The following CEP290 variants were observed in gnomAD, a reference collection of about 807,000 sequenced individuals.
CEP290 encodes the protein centrosomal protein 290, also known as centrosomal protein of 290 kDa.
A neutral mutation model predicts 344.9 loss-of-function variants in CEP290; 317 were observed. The observed-to-expected ratio is 0.92, with a 90% confidence interval of 0.84 to 1.01. The LOEUF (loss-of-function observed/expected upper bound fraction) is 1.01. Ranked by LOEUF, CEP290 falls within the 50% of genes least tolerant of loss-of-function variation. CEP290 has a pLI of 0.00. For missense variants in CEP290, 2,754 were observed against 2,761.4 expected (o/e 1.00, Z 0.06); for synonymous variants, 932 against 895.8 (o/e 1.04, Z -0.72).
intron 37 of CEP290, among the ~76,000 whole-genome samples, chr12:88,082,815 A>G (rs2036290469): frequency 6.6e-6 from 1 of 152,204 alleles, no homozygotes; most frequent in Admixed American, 6.5e-5. Flanking sequence ...TGGCTTTCCC[A>G]TCTACCCCCA....
chr12:88,116,997 T>C (rs745930062), intron 18 of CEP290, 36 bp downstream of exon 18: 1 of 1,016,090 alleles, frequency 9.8e-7, no homozygotes, highest in African/African-American at 1.7e-5. Context: ...AAAAAAAATA[T>C]TTTCCTTTAC....
At chr12:88,051,779 T>C (rs1246666404) in intron 52 of CEP290, 1 of 152,182 alleles carries the variant, frequency 6.6e-6, no homozygotes, top group Non-Finnish European at 1.5e-5. Context: ...AGTATATGGA[T>C]GGAAGGAAAA....
Position 88,111,287 on chromosome 12 carries a change from T to C in CEP290, c.2282A>G (p.Lys761Arg). The change falls in exon 22 of 54, where the codon AAA (lysine) becomes AGA (arginine). Residue 761 changes from lysine to arginine, a missense_variant. Lys to Arg is a conservative substitution (Grantham distance 26). Coordinates refer to ENST00000552810, the MANE Select transcript of CEP290 (RefSeq NM_025114.4). ...TATCCCATCAGGTAAGTCAATTCCT[T>C]TAAAAACAACATTTGATCCTTCTGA... is the stretch of plus-strand genomic sequence containing the variant. ...RQSEGSNVVF[K>R]GIDLPDGIAP... 6.4e-7 allele frequency: 1 copy of C among 1,558,912 alleles called. No individual in the cohort carries two copies. The highest frequency in any genetic ancestry group is 1.4e-5 in the African/African-American group (1 of 73,534).
Position 88,111,272 on chromosome 12 carries a change from G to T in CEP290, c.2297C>A (p.Pro766His). 1.9e-6 allele frequency: 3 copies of T among 1,548,620 alleles called. No individual in the cohort carries two copies. Among genetic ancestry groups the T allele is most frequent in the Non-Finnish European group, 2.6e-6 (3 of 1,144,990 alleles). Residue 766 changes from proline (P) to histidine (H), a missense_variant, in exon 22 of 54, where the codon CCT (proline) becomes CAT (histidine). Coordinates refer to ENST00000552810, the MANE Select transcript of CEP290 (RefSeq NM_025114.4). The stretch of plus-strand genomic sequence containing the variant: ...GGCACTAGATGGTGCTATCCCATCA[G>T]GTAAGTCAATTCCTTTAAAAACAAC... ...SNVVFKGIDL[P>H]DGIAPSSASI... is the part of the protein sequence containing the mutation.
At chr12:88,083,333 A>C in intron 36 of CEP290, 103 bp from the exon 37 acceptor site, 1 of 614,862 alleles carries the variant, frequency 1.6e-6, no homozygotes, top group Non-Finnish European at 2.6e-6. Flanking sequence ...ATAATATCTA[A>C]TCTAAAATGT....
chr12:88,102,597 A>G (rs929684716), intron 26 of CEP290, among the ~76,000 whole-genome samples: 9 of 152,088 alleles, frequency 5.9e-5, no homozygotes, highest in Non-Finnish European at 1.0e-4. Context: ...AATGATCTAG[A>G]TAATCATTCA....
Position 88,121,134 on chromosome 12 carries a change from T to C in CEP290, c.1222A>G (p.Lys408Glu), listed in dbSNP as rs747554978. The change falls in exon 14 of 54, where the codon AAA (lysine) becomes GAA (glutamate). Residue 408 changes from lysine to glutamate, a missense_variant. By Grantham distance (56) the Lys-to-Glu change is moderately conservative. Coordinates refer to ENST00000552810, the MANE Select transcript of CEP290 (RefSeq NM_025114.4). ...ASTLSQQTHM[K>E]IQSTLDILKE... ...AAAATGTCTAACGTTGACTGAATTT[T>C]CATATGAGTCTGTTGAGAAAGGGTT... 6.2e-7 allele frequency: 1 copy of C among 1,613,392 alleles called. No individual in the cohort carries two copies. Among genetic ancestry groups the C allele is most frequent in the Non-Finnish European group, 8.5e-7 (1 of 1,179,646 alleles).
Position 88,063,982 on chromosome 12 carries a change from T to G in CEP290, c.6269A>C (p.Lys2090Thr), listed in dbSNP as rs770358437. The change falls in exon 45 of 54, where the codon AAG becomes ACG. Residue 2090 changes from lysine (K) to threonine (T), a missense_variant and splice_region_variant. Lys to Thr is a moderately conservative substitution (Grantham distance 78). Coordinates refer to ENST00000552810, the MANE Select transcript of CEP290 (RefSeq NM_025114.4). ...EQANKDLPRL[K>T]NQVRDLKEMC... ...CCTAATAAAAAACATTAAATTCACC[T>G]TTAATCTTGGCAAATCTTTATTTGC... The G allele has an allele frequency of 1.3e-6, 2 of 1,595,152 alleles. No homozygotes were observed. The highest frequency in any genetic ancestry group is 1.7e-6 in the Non-Finnish European group (2 of 1,171,646).
chr12:88,093,893 CA>C lies in CEP290; in HGVS notation c.3185del (p.Leu1062ArgfsTer3), dbSNP rs863225189. ...GCCTTTCATTTAATTCCTTCATTTC[CA>C]GCATAGTTATTTTTTTTGAAATGGA... Reference protein sequence around the residue: ...IVSISKKITMLEMKELNERQR... With the variant: ...IVSISKKITMXEMKELNERQR... On this transcript the variant is annotated frameshift_variant, in exon 28 of 54. Coordinates refer to ENST00000552810, the MANE Select transcript of CEP290 (RefSeq NM_025114.4). LOFTEE classifies it high-confidence loss of function. 3.1e-6 allele frequency: 5 copies of C among 1,612,496 alleles called. No homozygotes were observed. The highest frequency in any genetic ancestry group is 1.7e-5 in the Admixed American group (1 of 59,916).
chr12:88,085,418 T>C (rs1014810311), intron 34 of CEP290, among the ~76,000 whole-genome samples: 3 of 152,098 alleles, frequency 2.0e-5, no homozygotes, highest in Non-Finnish European at 4.4e-5. Flanking sequence ...AATCTTAAAA[T>C]TACTGAAGAA....
chr12:88,105,259 ACT>A (rs2038192525), intron 25 of CEP290, among the ~76,000 whole-genome samples: 2 of 152,244 alleles, frequency 1.3e-5, no homozygotes, highest in South Asian at 4.2e-4. Flanking sequence ...ACTTTAAAGG[ACT>A]CTCTTTGGCT....
At position 88,084,668 on chromosome 12, in the gene CEP290, GT is replaced by G. The variant is rs587779733; in HGVS notation, c.4621del (p.Thr1541ProfsTer9). On this transcript the variant is annotated frameshift_variant, in exon 35 of 54. Coordinates refer to ENST00000552810, the MANE Select transcript of CEP290 (RefSeq NM_025114.4). LOFTEE classifies it high-confidence loss of function. ...SHHTLKIAHQ[T>X]IANMQARLNQ... ...TAACCTTGCTTGCATGTTTGCAATG[GT>G]TTGATGAGCAATTTTCAATGTGTGG... is the stretch of plus-strand genomic sequence containing the variant. 1 of 1,613,562 alleles carries G rather than the reference GT, an allele frequency of 6.2e-7. No homozygotes were observed. Among genetic ancestry groups the G allele is most frequent in the South Asian group, 1.1e-5 (1 of 91,070 alleles).
At chr12:88,107,401 GA>G (rs1241112663) in intron 23 of CEP290, among the ~76,000 whole-genome samples, 2 of 151,570 alleles carry the variant, frequency 1.3e-5, no homozygotes, top group Non-Finnish European at 2.9e-5. Context: ...ATTGAACACA[GA>G]AAAAAAGTAG....
intron 52 of CEP290, among the ~76,000 whole-genome samples, chr12:88,050,990 G>T (rs1027417158): frequency 1.3e-5 from 2 of 152,006 alleles, no homozygotes; most frequent in African/African-American, 4.8e-5. Flanking sequence ...CTAATTTATT[G>T]GATTCACCCT....
Position 88,139,576 on chromosome 12 carries a change from A to G in CEP290, c.181-12T>C. 1 of 1,549,096 alleles carries G rather than the reference A, an allele frequency of 6.5e-7. No homozygotes were observed. The highest frequency in any genetic ancestry group is 8.7e-7 in the Non-Finnish European group (1 of 1,150,322). ...TCTTGAGCTTTCATCTAAACATTAAAAAAAGGTTATTTCAATATGCCTTTA... is the reference window on the plus strand; with the variant it reads ...TCTTGAGCTTTCATCTAAACATTAAGAAAAGGTTATTTCAATATGCCTTTA... On this transcript the variant is annotated splice_polypyrimidine_tract_variant and intron_variant, in intron 3 of 53. Transcript: ENST00000552810.
chr12:88,071,358 C>T lies in CEP290; in HGVS notation c.5947G>A (p.Glu1983Lys). The change falls in exon 43 of 54, where the codon GAA (glutamate) becomes AAA (lysine). Residue 1983 changes from glutamate to lysine, a missense_variant. By Grantham distance (56) the Glu-to-Lys change is moderately conservative (BLOSUM62 1). Transcript: ENST00000552810. ...TTTTTTAATTCTTCCAATTCTTTTTCTGACTCCAAAGCTCGTATTCCCAAA... is the reference window on the plus strand; with the variant it reads ...TTTTTTAATTCTTCCAATTCTTTTTTTGACTCCAAAGCTCGTATTCCCAAA... ...QVLGIRALES[E>K]KELEELKKRN... The T allele has an allele frequency of 6.2e-7, 1 of 1,609,642 alleles. No individual in the cohort carries two copies. The highest frequency in any genetic ancestry group is 8.5e-7 in the Non-Finnish European group (1 of 1,177,016).
At chr12:88,115,623 T>G in intron 18 of CEP290, 2 of 1,147,308 alleles carry the variant, frequency 1.7e-6, no homozygotes, top group African/African-American at 1.6e-5. Context: ...ATCAATGTAC[T>G]GCATTTTAGA....
At chr12:88,069,739 T>C (rs56263398) in intron 43 of CEP290, among the ~76,000 whole-genome samples, 8,550 of 152,226 alleles carry the variant, frequency 0.056, 803 homozygotes, top group African/African-American at 0.2. Flanking sequence ...AATGACACAA[T>C]AGTAAACAGA....
chr12:88,107,473 A>G lies in CEP290; in HGVS notation c.2484-375T>C, dbSNP rs552184252. On this transcript the variant is annotated intron_variant, in intron 23 of 53. Transcript: ENST00000552810. ...TTCCAACATTCTGACCCCACTCTCA[A>G]ATTTGGGTGTTAAATGCTTACAAAA... Among the ~76,000 whole-genome samples the G allele has an allele frequency of 2.0e-5, 3 of 152,222 alleles. No homozygotes were observed. The South Asian group carries it at 6.2e-4, about 32-fold the overall frequency.
Sources: gnomAD v4.1 joint callset for allele counts (sites outside exome capture counted in the v4.1 genomes callset) on GRCh38, gnomAD v4.1.1 for gene constraint, MANE v1.5 for transcripts, NCBI Gene and HGNC (gene_info 2026-07-23, HGNC 2026-07-21) for gene names.